The following TRAK1 variants were observed in gnomAD, a reference collection of about 807,000 sequenced individuals.
The protein encoded by TRAK1 is trafficking kinesin-binding protein 1.
A neutral mutation model predicts 92.1 loss-of-function variants in TRAK1; 33 were observed. That is an observed-to-expected ratio of 0.36 (90% confidence interval 0.27 to 0.48). The LOEUF (loss-of-function observed/expected upper bound fraction) is 0.48. TRAK1 is among the 20% of genes least tolerant of loss of function. TRAK1 has a pLI of 0.99. For missense variants in TRAK1, 1,123 were observed against 1,257.9 expected, an observed-to-expected ratio of 0.89 and a Z score of 1.62; for synonymous variants, 521 against 517.3, an observed-to-expected ratio of 1.01 and a Z score of -0.10.
At chr3:42,143,948 C>G (rs1699013971) in intron 2 of TRAK1, among the ~76,000 whole-genome samples, 1 of 151,916 alleles carries the variant, frequency 6.6e-6, no homozygotes, top group African/African-American at 2.4e-5. Flanking sequence ...TAAAAATCAC[C>G]CCTAAATGAT....
intron 1 of TRAK1, among the ~76,000 whole-genome samples, chr3:42,080,925 G>A (rs1485630678): frequency 2.6e-5 from 4 of 151,986 alleles, no homozygotes; most frequent in African/African-American, 9.7e-5. Context: ...CCCAGGCTGG[G>A]GTGGAGTGGC....
At chr3:42,090,082 T>C (rs1704926631), upstream of TRAK1, among the ~76,000 whole-genome samples, 1 of 152,072 alleles carries the variant, frequency 6.6e-6, no homozygotes, top group African/African-American at 2.4e-5. Flanking sequence ...TTAGTCTAGT[T>C]GGGGAGACAG....
intron 1 of TRAK1, among the ~76,000 whole-genome samples, chr3:42,067,569 A>C (rs1703729669): frequency 6.6e-6 from 1 of 152,098 alleles, no homozygotes; most frequent in Non-Finnish European, 1.5e-5. Flanking sequence ...AAAAACTTCC[A>C]GTTCCCCTTT....
intron 1 of TRAK1, among the ~76,000 whole-genome samples, chr3:42,110,845 A>G (rs1170396772): frequency 6.6e-6 from 1 of 152,212 alleles, no homozygotes; most frequent in Non-Finnish European, 1.5e-5. Context: ...AGCGCAGGGC[A>G]CTGCAGGTGC....
chr3:42,031,186 C>T (rs1020983629), intron 1 of TRAK1, among the ~76,000 whole-genome samples: 2 of 150,332 alleles, frequency 1.3e-5, no homozygotes, highest in Non-Finnish European at 3.0e-5. Flanking sequence ...CAGGCATGTG[C>T]CACCATGCCT....
intron 14 of TRAK1, chr3:42,217,203 C>T: frequency 1.0e-6 from 1 of 981,416 alleles, no homozygotes; most frequent in South Asian, 4.7e-5. Context: ...CTGATGATCC[C>T]AGTCTTGGGT....
At chr3:42,035,005 C>T (rs1319304907) in intron 1 of TRAK1, among the ~76,000 whole-genome samples, 1 of 152,198 alleles carries the variant, frequency 6.6e-6, no homozygotes, top group Non-Finnish European at 1.5e-5. Flanking sequence ...TTGCTCTTCT[C>T]CTACTTCATT....
rs765099045 is a variant in TRAK1, at chr3:42,224,508, A to G, written c.*771A>G. The G allele has an allele frequency of 6.0e-6, 1 of 167,736 alleles. No homozygotes were observed. The allele number at this position is 167,736 out of a possible 1,614,324, so 10.4% of individuals were successfully genotyped here. On this transcript the variant is annotated 3_prime_UTR_variant, in exon 16 of 16. Transcript: ENST00000327628. ...TTGTTTTATTTTTCCTTTTTTTTACATATATATGCAGGGAAGTAATGGTAC... is the reference window on the plus strand; with the variant it reads ...TTGTTTTATTTTTCCTTTTTTTTACGTATATATGCAGGGAAGTAATGGTAC...
intron 14 of TRAK1, 100 bp downstream of exon 14, chr3:42,210,085 CGGAGGAGGAGGA>C (rs10634555): frequency 1.0e-4 from 164 of 1,577,438 alleles, no homozygotes; most frequent in East Asian, 3.0e-4. Flanking sequence ...CCAGCGGCCA[CGGAGGAGGAGGA>C]GGAGGAGGAG....
chr3:42,019,542 AC>A (rs1701656309), intron 1 of TRAK1, among the ~76,000 whole-genome samples: 2 of 152,194 alleles, frequency 1.3e-5, no homozygotes, highest in Non-Finnish European at 2.9e-5. Context: ...TACTGGGATT[AC>A]AAGCATGAGC....
At chr3:42,127,520 C>G (rs9681496) in intron 2 of TRAK1, among the ~76,000 whole-genome samples, 1 of 151,836 alleles carries the variant, frequency 6.6e-6, no homozygotes, top group African/African-American at 2.4e-5. Context: ...CCACCACGCT[C>G]AGCTAATTTT....
chr3:42,076,769 A>T (rs1444309178), intron 1 of TRAK1, among the ~76,000 whole-genome samples: 1 of 152,140 alleles, frequency 6.6e-6, no homozygotes, highest in Non-Finnish European at 1.5e-5. Flanking sequence ...TTTAGCTTTT[A>T]CATTTTATTC....
intron 2 of TRAK1, among the ~76,000 whole-genome samples, chr3:42,161,468 C>T (rs902772023): frequency 6.6e-6 from 1 of 151,990 alleles, no homozygotes; most frequent in African/African-American, 2.4e-5. Flanking sequence ...CCTTGACCTT[C>T]TGGGCTCAAG....
rs372261374 is a variant in TRAK1 at position 42,140,767 on chromosome 3, C to T, written c.286+15153C>T. On this transcript the variant is annotated intron_variant, in intron 2 of 15. Transcript: ENST00000327628. ...GTGAGTCCTATGGCCCCCTCAAGGA[C>T]GGAAGGTTAGGAAGCCTCTTCCGGG... Among the ~76,000 whole-genome samples, 4 of 152,230 alleles carry T rather than the reference C, an allele frequency of 2.6e-5. No individual in the cohort carries two copies. The East Asian group carries it at 5.8e-4, about 22-fold the overall frequency.
intron 1 of TRAK1, among the ~76,000 whole-genome samples, chr3:42,035,354 A>ACCCAAAT (rs1207342839): frequency 2.0e-5 from 3 of 151,886 alleles, no homozygotes; most frequent in African/African-American, 7.3e-5. Flanking sequence ...TGCCATCACT[A>ACCCAAAT]CCCAAATCTT....
intron 1 of TRAK1, among the ~76,000 whole-genome samples, chr3:42,111,280 G>A (rs981097839): frequency 6.6e-6 from 1 of 152,152 alleles, no homozygotes; most frequent in African/African-American, 2.4e-5. Context: ...CCAACTTTGG[G>A]AGGAACTCAT....
At chr3:42,110,605 G>A (rs562782088) in intron 1 of TRAK1, among the ~76,000 whole-genome samples, 1 of 152,170 alleles carries the variant, frequency 6.6e-6, no homozygotes, top group African/African-American at 2.4e-5. Flanking sequence ...TGTTGTCCTG[G>A]CTGAGCCCCT....
chr3:42,168,920 T>C (rs945987434), intron 2 of TRAK1, among the ~76,000 whole-genome samples: 11 of 152,116 alleles, frequency 7.2e-5, no homozygotes, highest in Non-Finnish European at 1.6e-4. Context: ...GCCTCCCAGG[T>C]TCAAGCGATT....
chr3:42,152,327 G>T (rs1336550691), intron 2 of TRAK1, among the ~76,000 whole-genome samples: 2 of 152,184 alleles, frequency 1.3e-5, no homozygotes, highest in Non-Finnish European at 2.9e-5. Flanking sequence ...GAAATAGCCA[G>T]CGATCAATGC....
Sources: allele counts gnomAD v4.1 joint callset (sites outside exome capture counted in the v4.1 genomes callset), GRCh38; gene constraint gnomAD v4.1.1; transcripts MANE v1.5; gene names NCBI Gene and HGNC (gene_info 2026-07-23, HGNC 2026-07-21).